The following ATP9A variants were observed in gnomAD, a reference collection of about 807,000 sequenced individuals.
ATP9A encodes the protein ATPase phospholipid transporting 9A, also known as probable phospholipid-transporting ATPase IIA.
A neutral mutation model predicts 144.1 loss-of-function variants in ATP9A; 52 were observed. The ratio of observed to expected loss-of-function variants is 0.36; its 90% CI spans 0.29 to 0.45. ATP9A has a LOEUF of 0.45. Among genes scored for constraint, ATP9A ranks in the 20% least tolerant of loss-of-function variants. The probability of loss-of-function intolerance (pLI) is 1.00; values close to 1 mark genes in which losing one functional copy is unlikely to be tolerated. For synonymous variants in ATP9A, 582 were observed against 557.4 expected, an observed-to-expected ratio of 1.04 and a Z score of -0.62; for missense variants, 947 against 1,392.7, an observed-to-expected ratio of 0.68 and a Z score of 5.09.
At chr20:51,675,063 C>T (rs1224204352) in intron 10 of ATP9A, among the ~76,000 whole-genome samples, 2 of 152,138 alleles carry the variant, frequency 1.3e-5, no homozygotes, top group South Asian at 2.1e-4. Context: ...CCACCTGCCT[C>T]GGCCTCCCAA....
chr20:51,642,725 CCAAAAAAAAAAAAAAAAAAA>C (rs1319184389), intron 14 of ATP9A, among the ~76,000 whole-genome samples: 3 of 65,596 alleles, frequency 4.6e-5, no homozygotes, highest in African/African-American at 2.0e-4. Context: ...GACTCTGTCT[CCAAAAAAAAAAAAAAAAAAA>C]AAAAAAAAAA....
At chr20:51,661,865 T>C (rs1029420396) in intron 13 of ATP9A, among the ~76,000 whole-genome samples, 1 of 152,210 alleles carries the variant, frequency 6.6e-6, no homozygotes, top group African/African-American at 2.4e-5. Flanking sequence ...CAATGTTTAC[T>C]GTTTTAGAGC....
intron 1 of ATP9A, among the ~76,000 whole-genome samples, chr20:51,761,558 C>A (rs568557361): frequency 6.6e-6 from 1 of 151,826 alleles, no homozygotes; most frequent in African/African-American, 2.4e-5. Context: ...TCAGGAGATC[C>A]AGACCATCCT....
chr20:51,673,643 G>A (rs915644099), intron 11 of ATP9A, among the ~76,000 whole-genome samples: 7 of 152,182 alleles, frequency 4.6e-5, no homozygotes, highest in African/African-American at 1.7e-4. Flanking sequence ...AAAGATCTCT[G>A]ATTCAAGAAA....
At chr20:51,715,201 T>C (rs1201779505) in intron 3 of ATP9A, among the ~76,000 whole-genome samples, 1 of 152,208 alleles carries the variant, frequency 6.6e-6, no homozygotes, top group African/African-American at 2.4e-5. Context: ...CTTATGTAAA[T>C]CTATCCAGAG....
At chr20:51,638,423 A>T (rs1227176181) in intron 15 of ATP9A, among the ~76,000 whole-genome samples, 1 of 152,004 alleles carries the variant, frequency 6.6e-6, no homozygotes, top group African/African-American at 2.4e-5. Context: ...TAGGTGTGGG[A>T]CTGAACCAAG....
intron 9 of ATP9A, among the ~76,000 whole-genome samples, chr20:51,683,024 G>A (rs2077507029): frequency 6.6e-6 from 1 of 150,942 alleles, no homozygotes; most frequent in East Asian, 2.1e-4. Context: ...CCCAGGAGGT[G>A]GAGGTTGCAA....
At chr20:51,764,273 C>G (rs550652362) in intron 1 of ATP9A, among the ~76,000 whole-genome samples, 1 of 152,326 alleles carries the variant, frequency 6.6e-6, no homozygotes, top group South Asian at 2.1e-4. Flanking sequence ...CGTCCTGGCT[C>G]CTAACAAATA....
At chr20:51,726,504 T>C (rs2077713797) in intron 2 of ATP9A, among the ~76,000 whole-genome samples, 1 of 152,066 alleles carries the variant, frequency 6.6e-6, no homozygotes, top group Non-Finnish European at 1.5e-5. Context: ...AGAAGAGTAG[T>C]TACTTCCTGG....
chr20:51,741,469 CA>C (rs2077785039), intron 1 of ATP9A, among the ~76,000 whole-genome samples: 1 of 152,036 alleles, frequency 6.6e-6, no homozygotes, highest in Non-Finnish European at 1.5e-5. Context: ...CTCAGCTACT[CA>C]GGGGGCTGAC....
chr20:51,730,437 C>T (rs999639995), intron 1 of ATP9A, among the ~76,000 whole-genome samples: 3 of 152,200 alleles, frequency 2.0e-5, no homozygotes, highest in African/African-American at 7.2e-5. Context: ...CACTGCACTC[C>T]AGCCTGGCGA....
At chr20:51,712,576 C>T (rs2077644269) in intron 4 of ATP9A, among the ~76,000 whole-genome samples, 1 of 152,224 alleles carries the variant, frequency 6.6e-6, no homozygotes, top group Non-Finnish European at 1.5e-5. Flanking sequence ...AGTTTAATCA[C>T]TGCCAAAAGA....
At chr20:51,765,388 C>A (rs1308703694) in intron 1 of ATP9A, among the ~76,000 whole-genome samples, 1 of 152,150 alleles carries the variant, frequency 6.6e-6, no homozygotes, top group Non-Finnish European at 1.5e-5. Flanking sequence ...GACACAGTGG[C>A]TCACATCTGT....
chr20:51,685,481 C>T (rs1178473301), intron 9 of ATP9A, among the ~76,000 whole-genome samples: 1 of 151,800 alleles, frequency 6.6e-6, no homozygotes, highest in Non-Finnish European at 1.5e-5. Context: ...AGAATCACTT[C>T]AACCTGGGAA....
intron 1 of ATP9A, among the ~76,000 whole-genome samples, chr20:51,742,140 ACGG>A (rs1446196099): frequency 1.3e-5 from 2 of 152,042 alleles, no homozygotes; most frequent in African/African-American, 4.8e-5. Context: ...CCCGAGCAAC[ACGG>A]TGAGACCTCA....
chr20:51,620,097 G>C (rs1479446438), intron 19 of ATP9A, among the ~76,000 whole-genome samples: 1 of 152,170 alleles, frequency 6.6e-6, no homozygotes, highest in Non-Finnish European at 1.5e-5. Flanking sequence ...GCACCTAGCA[G>C]GGACTGGGCC....
At chr20:51,753,633 GT>G (rs1037949672) in intron 1 of ATP9A, among the ~76,000 whole-genome samples, 15 of 150,010 alleles carry the variant, frequency 1.0e-4, no homozygotes, top group Non-Finnish European at 1.8e-4. Flanking sequence ...TCCTTTATCA[GT>G]TTTCTCTGTT....
chr20:51,735,348 A>C (rs938558677), intron 1 of ATP9A, among the ~76,000 whole-genome samples: 3 of 150,408 alleles, frequency 2.0e-5, no homozygotes, highest in African/African-American at 7.4e-5. Flanking sequence ...GAGCACAGAC[A>C]ATCTCCACGA....
chr20:51,759,412 C>A (rs1303503073), intron 1 of ATP9A, among the ~76,000 whole-genome samples: 1 of 152,202 alleles, frequency 6.6e-6, no homozygotes, highest in Admixed American at 6.5e-5. Flanking sequence ...GTGGCTCATG[C>A]CTGTGATCCC....
Sources: allele counts gnomAD v4.1 joint callset (sites outside exome capture counted in the v4.1 genomes callset), GRCh38; gene constraint gnomAD v4.1.1; transcripts MANE v1.5; gene names NCBI Gene and HGNC (gene_info 2026-07-23, HGNC 2026-07-21).